The following PDE3A variants were observed in gnomAD, a reference collection of about 807,000 sequenced individuals.
PDE3A encodes phosphodiesterase 3A.
PDE3A carries 43 observed loss-of-function variants against 98.3 expected under a neutral mutation model. The ratio of observed to expected loss-of-function variants is 0.44; its 90% CI spans 0.34 to 0.56. PDE3A has a LOEUF of 0.56. Among genes scored for constraint, PDE3A ranks in the 20% least tolerant of loss-of-function variants. The pLI is 0.01. For missense variants in PDE3A, 1,427 were observed against 1,440.7 expected (o/e 0.99, Z 0.15); for synonymous variants, 663 against 567.9 (o/e 1.17, Z -2.38).
In PDE3A at chr12:20,512,643, C is replaced by T. The variant is rs539029145; in HGVS notation, c.961-44017C>T. On this transcript the variant is annotated intron_variant, in intron 1 of 15. Transcript: ENST00000359062. Reference sequence around the variant, plus strand: ...ATGGAATATCTGGCAGAACATAAGACATTTTAAGCTGTAAGTAGAATGATT... The same window carrying T: ...ATGGAATATCTGGCAGAACATAAGATATTTTAAGCTGTAAGTAGAATGATT... Among the ~76,000 whole-genome samples the T allele has an allele frequency of 3.3e-5, 5 of 152,186 alleles. No individual in the cohort carries two copies. The East Asian group carries it at 9.7e-4, about 29-fold the overall frequency.
chr12:20,615,016 C>CTTTTTTTT (rs11313010), intron 3 of PDE3A, among the ~76,000 whole-genome samples: 16 of 59,092 alleles, frequency 2.7e-4, no homozygotes, highest in African/African-American at 7.3e-4. Flanking sequence ...TTCTCTCTTT[C>CTTTTTTTT]TTTTTTTTTT....
chr12:20,684,389 A>G lies in PDE3A; in HGVS notation c.*4118A>G, dbSNP rs1592189229. 6.6e-6 allele frequency: 1 copy of G among 152,214 alleles called. No homozygotes were observed. Among genetic ancestry groups the G allele is most frequent in the Non-Finnish European group, 1.5e-5 (1 of 68,038 alleles). The allele number at this position is 152,214 out of a possible 1,614,324, so 9.4% of individuals were successfully genotyped here. ...CCTTTCAAACTGTTAGAACGCTCCAATAAAACAAAGTTCTATGAACTTTCA... is the reference window on the plus strand; with the variant it reads ...CCTTTCAAACTGTTAGAACGCTCCAGTAAAACAAAGTTCTATGAACTTTCA... On this transcript the variant is annotated 3_prime_UTR_variant, in exon 16 of 16. Coordinates refer to ENST00000359062, the MANE Select transcript of PDE3A (RefSeq NM_000921.5).
At chr12:20,548,537 CCTCT>C (rs1419727279) in intron 1 of PDE3A, among the ~76,000 whole-genome samples, 1 of 151,842 alleles carries the variant, frequency 6.6e-6, no homozygotes, top group East Asian at 1.9e-4. Flanking sequence ...TCAATCTCTC[CCTCT>C]CTGTTTTATG....
intron 1 of PDE3A, among the ~76,000 whole-genome samples, chr12:20,549,683 A>G (rs1343491383): frequency 2.0e-5 from 3 of 152,116 alleles, no homozygotes; most frequent in African/African-American, 7.2e-5. Context: ...TGTACATTTT[A>G]AAATACTACC....
At chr12:20,523,464 T>C (rs532792181) in intron 1 of PDE3A, among the ~76,000 whole-genome samples, 1 of 152,356 alleles carries the variant, frequency 6.6e-6, no homozygotes, top group South Asian at 2.1e-4. Flanking sequence ...TTTTCCTCTA[T>C]TGAACTTTCA....
intron 3 of PDE3A, among the ~76,000 whole-genome samples, chr12:20,615,436 G>T (rs1166452573): frequency 4.6e-5 from 7 of 152,012 alleles, no homozygotes; most frequent in African/African-American, 1.7e-4. Flanking sequence ...TAAGAGAAGT[G>T]GTGCATTTTA....
Position 20,418,873 on chromosome 12 carries a change from G to C in PDE3A, c.960+48629G>C, listed in dbSNP as rs76173193. On this transcript the variant is annotated intron_variant, in intron 1 of 15. Transcript: ENST00000359062. Reference sequence around the variant, plus strand: ...TTATAACCCATTTTATACATTAAAAGTCTGTAGAAATTACTTCTATGCTTC... The same window carrying C: ...TTATAACCCATTTTATACATTAAAACTCTGTAGAAATTACTTCTATGCTTC... Among the ~76,000 whole-genome samples the C allele has an allele frequency of 8.5e-5, 13 of 152,060 alleles. No homozygotes were observed. In the East Asian group the frequency reaches 2.1e-3, roughly 25 times the overall value.
At chr12:20,392,014 T>TA (rs1943925145) in intron 1 of PDE3A, among the ~76,000 whole-genome samples, 1 of 151,948 alleles carries the variant, frequency 6.6e-6, no homozygotes, top group African/African-American at 2.4e-5. Flanking sequence ...TATGCCTACT[T>TA]ACGAACCACT....
At chr12:20,443,629 C>G (rs1271912408) in intron 1 of PDE3A, among the ~76,000 whole-genome samples, 4 of 151,898 alleles carry the variant, frequency 2.6e-5, no homozygotes. Context: ...TGTATAGGTC[C>G]CTTTGCTTTC....
At chr12:20,545,990 G>T (rs1942046497) in intron 1 of PDE3A, among the ~76,000 whole-genome samples, 1 of 152,036 alleles carries the variant, frequency 6.6e-6, no homozygotes, top group Admixed American at 6.6e-5. Context: ...GGGGAGATGT[G>T]ATGAAGTAGC....
chr12:20,609,793 G>T (rs1471364014), intron 2 of PDE3A, among the ~76,000 whole-genome samples: 1 of 151,994 alleles, frequency 6.6e-6, no homozygotes, highest in African/African-American at 2.4e-5. Flanking sequence ...GAGGACACAG[G>T]TGGAAAGGGG....
chr12:20,671,812 C>T (rs1404888027), intron 15 of PDE3A, among the ~76,000 whole-genome samples: 6 of 145,214 alleles, frequency 4.1e-5, no homozygotes, highest in Non-Finnish European at 9.1e-5. Context: ...CCCTCTCTCA[C>T]CACTCCTATT....
intron 1 of PDE3A, among the ~76,000 whole-genome samples, chr12:20,402,390 C>T (rs2120667614): frequency 6.6e-6 from 1 of 152,076 alleles, no homozygotes; most frequent in South Asian, 2.1e-4. Flanking sequence ...CTCAGGTGAT[C>T]CACCTGCCTT....
chr12:20,601,575 G>A (rs1943592637), intron 2 of PDE3A, among the ~76,000 whole-genome samples: 1 of 152,262 alleles, frequency 6.6e-6, no homozygotes, highest in South Asian at 2.1e-4. Flanking sequence ...ATCAAATTGT[G>A]CATGGGAAGA....
intron 1 of PDE3A, among the ~76,000 whole-genome samples, chr12:20,375,216 T>C (rs1185940979): frequency 2.6e-5 from 4 of 152,022 alleles, no homozygotes; most frequent in African/African-American, 9.7e-5. Context: ...CTCCTATTCT[T>C]GCACCTAAAG....
intron 2 of PDE3A, among the ~76,000 whole-genome samples, chr12:20,583,024 C>T (rs78977358): frequency 0.032 from 4,880 of 152,112 alleles, 103 homozygotes; most frequent in Middle Eastern, 0.048. Flanking sequence ...TTTCCCTTCC[C>T]CCAATTGTCT....
At chr12:20,488,705 T>C (rs1274347302) in intron 1 of PDE3A, among the ~76,000 whole-genome samples, 2 of 151,748 alleles carry the variant, frequency 1.3e-5, no homozygotes, top group Non-Finnish European at 2.9e-5. Flanking sequence ...TAACAACAAA[T>C]AATTACCTCA....
chr12:20,615,723 GTATT>G (rs150924685), intron 3 of PDE3A, among the ~76,000 whole-genome samples: 6 of 151,854 alleles, frequency 4.0e-5, no homozygotes, highest in Admixed American at 1.3e-4. Flanking sequence ...GGTTGGTTAT[GTATT>G]TATTTATTTA....
chr12:20,534,055 G>A (rs561442935), intron 1 of PDE3A, among the ~76,000 whole-genome samples: 122 of 152,130 alleles, frequency 8.0e-4, no homozygotes, highest in African/African-American at 2.7e-3. Context: ...CCCACTACCC[G>A]ACCTACTTTA....
Sources: allele counts gnomAD v4.1 joint callset (sites outside exome capture counted in the v4.1 genomes callset), GRCh38; gene constraint gnomAD v4.1.1; transcripts MANE v1.5; gene names NCBI Gene and HGNC (gene_info 2026-07-23, HGNC 2026-07-21).